AKR7A2: variants seen among roughly 807,000 people sequenced by gnomAD.
The protein encoded by AKR7A2 is aldo-keto reductase family 7 member A2, also known as aflatoxin B1 aldehyde reductase member 2.
A neutral mutation model predicts 37.3 loss-of-function variants in AKR7A2; 29 were observed. That is an observed-to-expected ratio of 0.78 (90% CI 0.58 to 1.06). The LOEUF (loss-of-function observed/expected upper bound fraction) is 1.06. AKR7A2 is among the 50% of genes least tolerant of loss of function. The pLI, the probability that AKR7A2 is intolerant of heterozygous loss-of-function variation, is 0.00. For synonymous variants in AKR7A2, 228 were observed against 217.8 expected (o/e 1.05, Z -0.41); for missense variants, 529 against 497.9 (o/e 1.06, Z -0.59).
chr1:19,310,906 A>T (rs1234102762), intron 1 of AKR7A2, among the ~76,000 whole-genome samples: 3 of 151,904 alleles, frequency 2.0e-5, no homozygotes. Flanking sequence ...AGTGCCAGGC[A>T]CCCTCCCAAG....
chr1:19,306,203 C>A, intron 5 of AKR7A2, 56 bp from the exon 6 acceptor site: 1 of 1,612,658 alleles, frequency 6.2e-7, no homozygotes, highest in South Asian at 1.1e-5. Flanking sequence ...ACACTGGGAG[C>A]CGCAACCAAA....
chr1:19,309,856 C>T (rs1314501195), intron 1 of AKR7A2, among the ~76,000 whole-genome samples: 1 of 151,976 alleles, frequency 6.6e-6, no homozygotes, highest in Admixed American at 6.6e-5. Flanking sequence ...GGGTGGATCA[C>T]CTGAGGTCAG....
Position 19,308,578 on chromosome 1 carries a change from G to C in AKR7A2, c.363C>G (p.Ser121=), listed in dbSNP as rs754759601. The change falls in exon 2 of 7, where the codon TCC becomes TCG. Residue 121 remains serine (S), a synonymous_variant. Coordinates refer to ENST00000235835, the MANE Select transcript of AKR7A2 (RefSeq NM_003689.4). ...GKSLKPDSVR[S]QLETSLKRLQ... ...GCCTCTTCAATGACGTCTCCAGCTG[G>C]GACCGGACACTGTCAGGCTTTAGTG... The C allele has an allele frequency of 3.7e-6, 6 of 1,614,086 alleles. No homozygotes were observed. In the East Asian group the frequency reaches 1.3e-4, roughly 36 times the overall value.
chr1:19,310,645 C>T (rs999968010), intron 1 of AKR7A2, among the ~76,000 whole-genome samples: 6 of 152,160 alleles, frequency 3.9e-5, no homozygotes, highest in African/African-American at 1.4e-4. Flanking sequence ...GCACTCCACC[C>T]TGGGTGACAG....
chr1:19,305,986 G>A (rs577529698), intron 6 of AKR7A2, 32 bp downstream of exon 6: 4 of 1,613,270 alleles, frequency 2.5e-6, no homozygotes, highest in Non-Finnish European at 3.4e-6. Flanking sequence ...CCCTGGAAGG[G>A]AAGAAGCTGA....
intron 1 of AKR7A2, among the ~76,000 whole-genome samples, chr1:19,309,314 G>A (rs568386635): frequency 9.2e-5 from 14 of 152,292 alleles, no homozygotes; most frequent in Non-Finnish European, 1.6e-4. Flanking sequence ...GATTTTGTCA[G>A]GGTGTGAACC....
chr1:19,306,009 G>A lies in AKR7A2; in HGVS notation c.918+9C>T, dbSNP rs368581482. ...GGGAAGAAGCTGAGCACCCAGGGTC[G>A]CTGGTTACCTGCAGCTGTGAGTGGT... On this transcript the variant is annotated intron_variant, in intron 6 of 6. Transcript: ENST00000235835. 13 of 1,613,716 alleles carry A rather than the reference G, an allele frequency of 8.1e-6. No individual in the cohort carries two copies. The highest frequency in any genetic ancestry group is 1.7e-4 in the Middle Eastern group (1 of 5,774).
At chr1:19,303,833 A>T, downstream of AKR7A2, 1 of 313,272 alleles carries the variant, frequency 3.2e-6, no homozygotes, top group Non-Finnish European at 6.2e-6. Flanking sequence ...GCCCGAGGAG[A>T]CCCTGGGAGG....
downstream of AKR7A2, among the ~76,000 whole-genome samples, chr1:19,303,121 A>C (rs1227834884): frequency 2.0e-5 from 3 of 152,028 alleles, no homozygotes; most frequent in South Asian, 2.1e-4. Flanking sequence ...ACATAGGGAG[A>C]TCTCCACTCC....
At position 19,308,457 on chromosome 1, in the gene AKR7A2, C is replaced by G. The variant is rs766883504; in HGVS notation, c.484G>C (p.Glu162Gln). 4 of 1,613,706 alleles carry G rather than the reference C, an allele frequency of 2.5e-6. No homozygotes were observed. The highest frequency in any genetic ancestry group is 3.4e-6 in the Non-Finnish European group (4 of 1,179,976). The change falls in exon 2 of 7, where the codon GAG becomes CAG. Residue 162 changes from glutamate (E) to glutamine (Q), a missense_variant and splice_region_variant. By Grantham distance (29) the Glu-to-Gln change is conservative (BLOSUM62 2). Transcript: ENST00000235835. Reference sequence around the variant, plus strand: ...TGGAGCTCGGAGGGCCCCCTCACCTCCTGGTGCAGCCGCTGGCAGGCATGC... The same window carrying G: ...TGGAGCTCGGAGGGCCCCCTCACCTGCTGGTGCAGCCGCTGGCAGGCATGC... ...TLHACQRLHQ[E>Q]GKFVELGLSN...
At position 19,304,266 on chromosome 1, in the gene AKR7A2, A is replaced by G. The variant is rs1166863989; in HGVS notation, c.1039T>C (p.Trp347Arg). ...GGACATTCGTGAGCAACCAAATGCC[A>G]GGCTTGATTAAAGGCATCCACGACA... ...PAVVDAFNQA[W>R]HLVAHECPNY... is the part of the protein sequence containing the mutation. The change falls in exon 7 of 7, where the codon TGG becomes CGG. Residue 347 changes from tryptophan to arginine, a missense_variant. Transcript: ENST00000235835. The G allele has an allele frequency of 6.2e-7, 1 of 1,614,058 alleles. No individual in the cohort carries two copies. Among genetic ancestry groups the G allele is most frequent in the Non-Finnish European group, 8.5e-7 (1 of 1,180,044 alleles).
intron 1 of AKR7A2, among the ~76,000 whole-genome samples, chr1:19,310,585 T>C (rs933686907): frequency 3.3e-5 from 5 of 151,884 alleles, no homozygotes; most frequent in African/African-American, 1.2e-4. Flanking sequence ...GTAATCCCAG[T>C]TACTTGGGAG....
In AKR7A2 at chr1:19,308,557, C is replaced by T; in HGVS notation, c.384G>A (p.Lys128=). 1.2e-6 allele frequency: 2 copies of T among 1,614,186 alleles called. No homozygotes were observed. The highest frequency in any genetic ancestry group is 8.5e-7 in the Non-Finnish European group (1 of 1,180,020). Residue 128 remains lysine (K), a synonymous_variant, in exon 2 of 7, where the codon AAG becomes AAA. Coordinates refer to ENST00000235835, the MANE Select transcript of AKR7A2 (RefSeq NM_003689.4). The part of the protein sequence containing the change: ...SVRSQLETSL[K]RLQCPQVDLF... ...GGTCCACTTGGGGACACTGCAGCCT[C>T]TTCAATGACGTCTCCAGCTGGGACC...
At chr1:19,311,041 G>T (rs1468523425) in intron 1 of AKR7A2, among the ~76,000 whole-genome samples, 1 of 152,210 alleles carries the variant, frequency 6.6e-6, no homozygotes, top group African/African-American at 2.4e-5. Context: ...TCTTTGCACA[G>T]ACTCTAATGT....
At position 19,311,926 on chromosome 1, in the gene AKR7A2, C is replaced by A. The variant is rs554728072; in HGVS notation, c.199G>T (p.Gly67Cys). Residue 67 changes from glycine to cysteine, a missense_variant, in exon 1 of 7, where the codon GGC (glycine) becomes TGC (cysteine). Coordinates refer to ENST00000235835, the MANE Select transcript of AKR7A2 (RefSeq NM_003689.4). ...AAGGCCGTGTCCAGTTCGGTGTGGC[C>A]GCGCTCCAGAAAGGCGCGCACGGCC... ...AAAVRAFLER[G>C]HTELDTAFMY... 6.2e-6 allele frequency: 10 copies of A among 1,607,978 alleles called. No individual in the cohort carries two copies. The African/African-American group carries it at 1.2e-4, about 19-fold the overall frequency.
At chr1:19,309,918 A>G (rs1457685840) in intron 1 of AKR7A2, among the ~76,000 whole-genome samples, 2 of 152,074 alleles carry the variant, frequency 1.3e-5, no homozygotes, top group Non-Finnish European at 2.9e-5. Context: ...TCTACTAAAA[A>G]TACAAAAATT....
Position 19,307,403 on chromosome 1 carries a change from T to C in AKR7A2, c.599A>G (p.Tyr200Cys), listed in dbSNP as rs1235162483. The C allele has an allele frequency of 4.3e-6, 7 of 1,614,052 alleles. No homozygotes were observed. Among genetic ancestry groups the C allele is most frequent in the African/African-American group, 1.3e-5 (1 of 74,936 alleles). Reference protein sequence around the residue: ...WILPTVYQGMYNATTRQVETE... With the variant: ...WILPTVYQGMCNATTRQVETE... ...TTCCACCTGCCGGGTGGTGGCGTTG[T>C]ACATGCCCTGCAGGGAGAGGGACCC... Residue 200 changes from tyrosine to cysteine, a missense_variant, in exon 4 of 7, where the codon TAC (tyrosine) becomes TGC (cysteine). Coordinates refer to ENST00000235835, the MANE Select transcript of AKR7A2 (RefSeq NM_003689.4).
Position 19,308,436 on chromosome 1 carries a change from G to A in AKR7A2, c.486+19C>T, listed in dbSNP as rs200627325. ...AAAGGAGCAGGAGCCCACCTTTGGA[G>A]CTCGGAGGGCCCCCTCACCTCCTGG... is the stretch of plus-strand genomic sequence containing the variant. On this transcript the variant is annotated intron_variant, in intron 2 of 6. Transcript: ENST00000235835. 2.4e-5 allele frequency: 39 copies of A among 1,612,348 alleles called. No individual in the cohort carries two copies. Among genetic ancestry groups the A allele is most frequent in the South Asian group, 2.2e-5 (2 of 90,984 alleles).
rs1278405027 is a variant in AKR7A2, at chr1:19,312,068, G to A, written c.57C>T (p.Arg19=). ...VSRAAVHCAL[R]SPPPEARALA... Reference sequence around the variant, plus strand: ...GCGCGCGGGCCTCGGGCGGCGGAGAGCGAAGCGCGCAGTGGACGGCGGCGC... The same window carrying A: ...GCGCGCGGGCCTCGGGCGGCGGAGAACGAAGCGCGCAGTGGACGGCGGCGC... The change falls in exon 1 of 7, where the codon CGC becomes CGT. Residue 19 remains arginine, a synonymous_variant. Coordinates refer to ENST00000235835, the MANE Select transcript of AKR7A2 (RefSeq NM_003689.4). 11 of 1,357,264 alleles carry A rather than the reference G, an allele frequency of 8.1e-6. No homozygotes were observed. In the Admixed American group the frequency reaches 2.7e-4, roughly 33 times the overall value. The allele number at this position is 1,357,264 out of a possible 1,614,324, so 84.1% of individuals were successfully genotyped here.
Sources: allele counts gnomAD v4.1 joint callset (sites outside exome capture counted in the v4.1 genomes callset), GRCh38; gene constraint gnomAD v4.1.1; transcripts MANE v1.5; gene names NCBI Gene and HGNC (gene_info 2026-07-23, HGNC 2026-07-21).